The following TMCO5A variants were observed in gnomAD, a reference collection of about 807,000 sequenced individuals.
TMCO5A encodes the protein transmembrane and coiled-coil domains 5A.
A neutral mutation model predicts 42.3 loss-of-function variants in TMCO5A; 34 were observed. That is an observed-to-expected ratio of 0.80 (90% CI 0.61 to 1.07). The LOEUF is 1.07. TMCO5A is among the 50% of genes least tolerant of loss of function. TMCO5A has a pLI of 0.00. For synonymous variants in TMCO5A, 131 were observed against 115.6 expected, an observed-to-expected ratio of 1.13 and a Z score of -0.86; for missense variants, 357 against 327.9, an observed-to-expected ratio of 1.09 and a Z score of -0.69.
chr15:37,943,767 C>A, intron 10 of TMCO5A: 1 of 181,260 alleles, frequency 5.5e-6, no homozygotes, highest in Non-Finnish European at 1.2e-5. Context: ...TCCTGATGAT[C>A]TTGACATGGT....
At chr15:37,979,561 G>A in the TMCO5A span, among the ~76,000 whole-genome samples, 250 of 152,334 alleles carry the variant, frequency 1.6e-3, 1 homozygote, top group Non-Finnish European at 3.0e-3. Flanking sequence ...CACCCAAGCG[G>A]GGATGGGGTG....
the TMCO5A span, among the ~76,000 whole-genome samples, chr15:37,977,371 G>A: frequency 1.3e-5 from 2 of 152,192 alleles, no homozygotes; most frequent in Non-Finnish European, 2.9e-5. Context: ...TGTAATTTGA[G>A]TATAGTCTGT....
At chr15:37,986,793 C>G in the TMCO5A span, among the ~76,000 whole-genome samples, 1 of 152,060 alleles carries the variant, frequency 6.6e-6, no homozygotes, top group East Asian at 1.9e-4. Context: ...CTTTTTAAGA[C>G]TGAATAATTC....
intron 11 of TMCO5A, among the ~76,000 whole-genome samples, chr15:37,957,026 G>C (rs142233330): frequency 5.3e-5 from 8 of 152,066 alleles, no homozygotes; most frequent in African/African-American, 1.4e-4. Context: ...AAAGGTTTTC[G>C]ACAAAATTCA....
intron 11 of TMCO5A, among the ~76,000 whole-genome samples, chr15:37,963,939 C>T (rs991626713): frequency 1.3e-5 from 2 of 152,128 alleles, no homozygotes; most frequent in Non-Finnish European, 2.9e-5. Flanking sequence ...TTGGGCTTTG[C>T]CTTTCTCTGG....
At chr15:37,943,924 C>T (rs1889844481) in intron 10 of TMCO5A, 1 of 152,816 alleles carries the variant, frequency 6.5e-6, no homozygotes, top group African/African-American at 2.4e-5. Flanking sequence ...CACCAGCACA[C>T]ATGTAAAGGT....
At chr15:37,978,975 T>C in the TMCO5A span, among the ~76,000 whole-genome samples, 49 of 151,662 alleles carry the variant, frequency 3.2e-4, no homozygotes, top group Non-Finnish European at 5.4e-4. Flanking sequence ...AAACCTGATC[T>C]AGTGAGAACT....
chr15:38,003,226 CT>C, the TMCO5A span, among the ~76,000 whole-genome samples: 1 of 145,562 alleles, frequency 6.9e-6, no homozygotes, highest in African/African-American at 2.5e-5. Context: ...AACAGAGTCT[CT>C]CTCTCTCTCT....
At chr15:37,945,763 G>C (rs562263017) in intron 10 of TMCO5A, among the ~76,000 whole-genome samples, 19 of 152,032 alleles carry the variant, frequency 1.2e-4, no homozygotes, top group Admixed American at 1.1e-3. Context: ...GTAGACTCTG[G>C]GTATTAGACA....
At chr15:37,992,388 A>T in the TMCO5A span, among the ~76,000 whole-genome samples, 2,138 of 152,288 alleles carry the variant, frequency 0.014, 59 homozygotes, top group African/African-American at 0.049. Flanking sequence ...GAACTTATAC[A>T]CTGTTGGTGG....
chr15:37,936,993 C>A, intron 4 of TMCO5A, 23 bp downstream of exon 4: 1 of 1,610,658 alleles, frequency 6.2e-7, no homozygotes, highest in Non-Finnish European at 8.5e-7. Context: ...TTGGGAAGAG[C>A]CATTTAATAG....
the TMCO5A span, among the ~76,000 whole-genome samples, chr15:38,002,269 T>C: frequency 6.6e-6 from 1 of 152,046 alleles, no homozygotes; most frequent in East Asian, 1.9e-4. Flanking sequence ...TCTTTATCAT[T>C]GACCTTTGGG....
intron 1 of TMCO5A, among the ~76,000 whole-genome samples, 167 bp from the exon 2 acceptor site, chr15:37,935,090 G>A (rs1474871746): frequency 6.6e-6 from 1 of 152,128 alleles, no homozygotes; most frequent in Middle Eastern, 3.2e-3. Flanking sequence ...AACACGGGCA[G>A]AAGAATCAAA....
chr15:37,979,194 AAC>A, the TMCO5A span, among the ~76,000 whole-genome samples: 2 of 152,014 alleles, frequency 1.3e-5, no homozygotes, highest in African/African-American at 4.8e-5. Flanking sequence ...ACCTGCCTGG[AAC>A]ACAGTCTTGT....
At chr15:37,982,734 A>G in the TMCO5A span, among the ~76,000 whole-genome samples, 1 of 140,998 alleles carries the variant, frequency 7.1e-6, no homozygotes, top group South Asian at 2.1e-4. Context: ...TCTATAATAT[A>G]TAAATATATA....
At chr15:37,956,210 T>C (rs1304579340), downstream of TMCO5A, among the ~76,000 whole-genome samples, 1 of 151,616 alleles carries the variant, frequency 6.6e-6, no homozygotes, top group Non-Finnish European at 1.5e-5. Context: ...ACAAACAAAT[T>C]CAAAAGCTAG....
chr15:37,991,274 C>A, the TMCO5A span, among the ~76,000 whole-genome samples: 1 of 152,080 alleles, frequency 6.6e-6, no homozygotes, highest in African/African-American at 2.4e-5. Flanking sequence ...TACAGGACTC[C>A]TTTTAGTTTT....
rs763334399 is a variant in TMCO5A, at chr15:37,938,243, A to G, written c.387+14A>G. The G allele has an allele frequency of 2.1e-6, 3 of 1,462,472 alleles. No homozygotes were observed. Among genetic ancestry groups the G allele is most frequent in the South Asian group, 2.4e-5 (2 of 81,962 alleles). The allele number at this position is 1,462,472 out of a possible 1,614,324, so 90.6% of individuals were successfully genotyped here. A position where few individuals can be genotyped will look rare whatever the true frequency, so the allele number is the denominator to read the frequency against. On this transcript the variant is annotated intron_variant, in intron 6 of 11. Transcript: ENST00000319669. Reference sequence around the variant, plus strand: ...GAAGAGACAAAGGTAAATGAAAAAAACAATCCTAAATGTGGTTGGGCTATG... The same window carrying G: ...GAAGAGACAAAGGTAAATGAAAAAAGCAATCCTAAATGTGGTTGGGCTATG...
At chr15:37,935,743 A>G (rs906943214) in intron 2 of TMCO5A, among the ~76,000 whole-genome samples, 1 of 152,108 alleles carries the variant, frequency 6.6e-6, no homozygotes, top group Non-Finnish European at 1.5e-5. Flanking sequence ...CCTAGAGCCT[A>G]TGTGGGTGTG....
Sources: gnomAD v4.1 joint callset for allele counts (sites outside exome capture counted in the v4.1 genomes callset) on GRCh38, gnomAD v4.1.1 for gene constraint, MANE v1.5 for transcripts, NCBI Gene and HGNC (gene_info 2026-07-23, HGNC 2026-07-21) for gene names.